Variants in DIAPH2 observed in about 807,000 individuals in gnomAD.
DIAPH2 encodes protein diaphanous homolog 2.
In DIAPH2, 35 loss-of-function variants were observed where a neutral mutation model predicts 92.7. The observed-to-expected ratio is 0.38, with a 90% CI of 0.29 to 0.50. DIAPH2 has a LOEUF of 0.50. DIAPH2 is among the 20% of genes least tolerant of loss of function. The pLI is 0.94. For missense variants in DIAPH2, 701 were observed against 819.5 expected, an observed-to-expected ratio of 0.86 and a Z score of 1.77; for synonymous variants, 301 against 280.4, an observed-to-expected ratio of 1.07 and a Z score of -0.73.
At chrX:97,068,296 A>G (rs2066646486) in intron 17 of DIAPH2, among the ~76,000 whole-genome samples, 1 of 111,779 alleles carries the variant, frequency 8.9e-6, no homozygotes, top group Non-Finnish European at 1.9e-5. Context: ...TGGTATAAAA[A>G]TTAATGCCAG....
intron 23 of DIAPH2, among the ~76,000 whole-genome samples, chrX:97,301,790 A>C (rs1490344207): frequency 8.9e-6 from 1 of 111,804 alleles, no homozygotes; most frequent in Non-Finnish European, 1.9e-5. Flanking sequence ...TCCTTATCTC[A>C]TAGTAGATCA....
At chrX:97,490,198 G>T (rs1301192210) in intron 26 of DIAPH2, among the ~76,000 whole-genome samples, 1 of 109,956 alleles carries the variant, frequency 9.1e-6, no homozygotes, top group Non-Finnish European at 1.9e-5. Flanking sequence ...CAATTTGTTG[G>T]TGTATAATTC....
At chrX:97,024,634 G>A (rs1444392868) in intron 17 of DIAPH2, among the ~76,000 whole-genome samples, 2 of 112,136 alleles carry the variant, frequency 1.8e-5, no homozygotes, top group Admixed American at 9.5e-5. Context: ...GACATGAATA[G>A]ATTCACTTAT....
intron 23 of DIAPH2, among the ~76,000 whole-genome samples, chrX:97,283,632 G>T (rs1354232060): frequency 8.9e-6 from 1 of 112,608 alleles, no homozygotes. Flanking sequence ...CTTTGTACTC[G>T]TGGGATGATA....
intron 17 of DIAPH2, among the ~76,000 whole-genome samples, chrX:97,045,112 A>G (rs962187971): frequency 8.9e-6 from 1 of 111,997 alleles, no homozygotes; most frequent in Non-Finnish European, 1.9e-5. Flanking sequence ...TGGTTTTCAC[A>G]TATGTTTTGG....
intron 26 of DIAPH2, among the ~76,000 whole-genome samples, chrX:97,535,577 A>C (rs1336211777): frequency 1.8e-5 from 2 of 110,792 alleles, no homozygotes; most frequent in Non-Finnish European, 3.8e-5. Context: ...TCAGCCTCTC[A>C]AATAGATGGG....
rs138207966 is a variant in DIAPH2, at chrX:96,690,921, A to G, written c.132+5731A>G. ...TTAAAAGCTACCTCCTCTATTGTAGAAATTATCCGTAGCACTGAGTCATTG... is the reference window on the plus strand; with the variant it reads ...TTAAAAGCTACCTCCTCTATTGTAGGAATTATCCGTAGCACTGAGTCATTG... On this transcript the variant is annotated intron_variant, in intron 1 of 26. Transcript: ENST00000324765. Among the ~76,000 whole-genome samples the G allele has an allele frequency of 8.1e-3, 908 of 112,057 alleles. 9 individuals are homozygous for G. The highest frequency in any genetic ancestry group is 0.028 in the African/African-American group (872 of 30,860).
chrX:97,462,232 C>G (rs946484850), intron 26 of DIAPH2, among the ~76,000 whole-genome samples: 6 of 111,761 alleles, frequency 5.4e-5, no homozygotes, highest in Non-Finnish European at 3.8e-5. Flanking sequence ...CAGGATAAAT[C>G]TGATGGAGAA....
At position 97,579,600 on chromosome X, in the gene DIAPH2, G is replaced by T. The variant is rs779151608; in HGVS notation, c.3242-19653G>T. The stretch of plus-strand genomic sequence containing the variant: ...GTAGTATAGTTTGAAGTCAGGTAGT[G>T]TGTTGCCTCCAGCTTTGTTCTTTTG... On this transcript the variant is annotated intron_variant, in intron 26 of 26. Coordinates refer to ENST00000324765, the MANE Select transcript of DIAPH2 (RefSeq NM_006729.5). Among the ~76,000 whole-genome samples, 372 of 110,345 alleles carry T rather than the reference G, an allele frequency of 3.4e-3. 10 individuals are homozygous for T. The highest frequency in any genetic ancestry group is 0.012 in the African/African-American group (346 of 29,466).
At chrX:96,694,204 C>T in intron 1 of DIAPH2, among the ~76,000 whole-genome samples, 1 of 112,012 alleles carries the variant, frequency 8.9e-6, no homozygotes, top group Non-Finnish European at 1.9e-5. Context: ...CATTATCTTC[C>T]CCAACTTAAG....
At chrX:97,247,597 C>T (rs1352267604) in intron 22 of DIAPH2, 118 bp from the exon 23 acceptor site, 1 of 618,221 alleles carries the variant, frequency 1.6e-6, no homozygotes, top group African/African-American at 2.3e-5. Flanking sequence ...TGTGAGTTGA[C>T]TTCATGGAAC....
chrX:97,511,564 A>AGAGG (rs1289346844), intron 26 of DIAPH2, among the ~76,000 whole-genome samples: 3 of 109,622 alleles, frequency 2.7e-5, no homozygotes, highest in Non-Finnish European at 5.7e-5. Flanking sequence ...GAGTGGTGAG[A>AGAGG]GAGGGCATCC....
At chrX:97,475,358 G>T (rs1183905496) in intron 26 of DIAPH2, among the ~76,000 whole-genome samples, 1 of 112,276 alleles carries the variant, frequency 8.9e-6, no homozygotes. Flanking sequence ...TATTTCAAAT[G>T]AGGAGAAAAT....
At chrX:96,933,693 T>C (rs1349801441) in intron 10 of DIAPH2, among the ~76,000 whole-genome samples, 3 of 106,746 alleles carry the variant, frequency 2.8e-5, no homozygotes, top group Non-Finnish European at 5.8e-5. Flanking sequence ...AACCTCTGCC[T>C]CCCGGGTTCA....
intron 23 of DIAPH2, among the ~76,000 whole-genome samples, chrX:97,311,052 T>TCATA (rs2068789944): frequency 9.0e-6 from 1 of 111,204 alleles, no homozygotes; most frequent in South Asian, 3.8e-4. Context: ...AACTTGTGGG[T>TCATA]CATAATAAGG....
At chrX:97,375,846 A>T (rs2069495123) in intron 24 of DIAPH2, among the ~76,000 whole-genome samples, 1 of 111,456 alleles carries the variant, frequency 9.0e-6, no homozygotes, top group Non-Finnish European at 1.9e-5. Flanking sequence ...CAGCACAGCT[A>T]ACAGCCTCCT....
chrX:97,432,134 C>A (rs752519711), intron 26 of DIAPH2, among the ~76,000 whole-genome samples: 2 of 111,530 alleles, frequency 1.8e-5, no homozygotes, highest in African/African-American at 6.5e-5. Context: ...AAAGGAAAAT[C>A]CAAAAAACAC....
chrX:97,024,668 A>G (rs2066319920), intron 17 of DIAPH2, among the ~76,000 whole-genome samples: 1 of 112,403 alleles, frequency 8.9e-6, no homozygotes, highest in African/African-American at 3.2e-5. Context: ...TCTCCTGAGT[A>G]TGATCTGATT....
At chrX:97,286,473 G>A (rs771140056) in intron 23 of DIAPH2, among the ~76,000 whole-genome samples, 8 of 111,438 alleles carry the variant, frequency 7.2e-5, no homozygotes, top group Non-Finnish European at 1.5e-4. Flanking sequence ...ATGCTAGAGG[G>A]GGCAAGGTAC....
Sources: allele counts gnomAD v4.1 joint callset (sites outside exome capture counted in the v4.1 genomes callset), GRCh38; gene constraint gnomAD v4.1.1; transcripts MANE v1.5; gene names NCBI Gene and HGNC (gene_info 2026-07-23, HGNC 2026-07-21).